The following TJP2 variants were observed in gnomAD, a reference collection of about 807,000 sequenced individuals.
The protein encoded by TJP2 is tight junction protein 2.
In TJP2, 91 loss-of-function variants were observed where a neutral mutation model predicts 133.1. That is an observed-to-expected ratio of 0.68 (90% CI 0.58 to 0.81). TJP2 has a LOEUF of 0.81. Ranked by LOEUF, TJP2 falls within the 40% of genes least tolerant of loss-of-function variation. The pLI is 0.00. For synonymous variants in TJP2, 592 were observed against 583.4 expected, an observed-to-expected ratio of 1.01 and a Z score of -0.21; for missense variants, 1,541 against 1,565.6, an observed-to-expected ratio of 0.98 and a Z score of 0.26.
intron 11 of TJP2, 37 bp from the exon 12 acceptor site, chr9:69,234,394 CTTTCTTTT>C (rs1453777241): frequency 3.1e-6 from 4 of 1,293,348 alleles, no homozygotes; most frequent in Non-Finnish European, 2.1e-6. Context: ...TTCTTTCTTT[CTTTCTTTT>C]TTTTTTTTTT....
rs547481329 is a variant in TJP2, at chr9:69,211,662, G to A, written c.61-886G>A. 2.2e-4 allele frequency among the ~76,000 whole-genome samples: 34 copies of A among 152,258 alleles called. No individual in the cohort carries two copies. The East Asian group carries it at 3.9e-3, about 17-fold the overall frequency. ...GTGTGGTCACGTCTGTAATATGAAC[G>A]CCCAAACCTGTGTGAATACAGGTCT... On this transcript the variant is annotated intron_variant, in intron 1 of 22. Transcript: ENST00000377245.
chr9:69,228,174 C>T (rs1554662983), intron 9 of TJP2, 60 bp downstream of exon 9: 1 of 1,553,344 alleles, frequency 6.4e-7, no homozygotes, highest in African/African-American at 1.4e-5. Context: ...GCTCACACAG[C>T]CATAACAAAG....
At chr9:69,145,694 G>A (rs1823183893) in intron 1 of TJP2, 1 of 1,226,780 alleles carries the variant, frequency 8.2e-7, no homozygotes, top group Non-Finnish European at 1.0e-6. Context: ...CTTGTACCGA[G>A]AGAGACAAGA....
chr9:69,132,694 A>C (rs1333831145), intron 1 of TJP2, among the ~76,000 whole-genome samples: 3 of 152,228 alleles, frequency 2.0e-5, no homozygotes, highest in African/African-American at 7.2e-5. Flanking sequence ...CACGGTGAGC[A>C]GGGTAAATTC....
chr9:69,173,920 C>T (rs916199647), upstream of TJP2: 1 of 982,508 alleles, frequency 1.0e-6, no homozygotes, highest in Middle Eastern at 5.2e-4. Context: ...CCTGCTTGCT[C>T]CAGTGCACGC....
At chr9:69,230,670 T>C (rs1457791942) in intron 11 of TJP2, among the ~76,000 whole-genome samples, 1 of 152,180 alleles carries the variant, frequency 6.6e-6, no homozygotes, top group Non-Finnish European at 1.5e-5. Context: ...CGTCCCAGCC[T>C]CTGATTAGTT....
intron 1 of TJP2, among the ~76,000 whole-genome samples, chr9:69,208,473 T>C (rs772869185): frequency 1.3e-4 from 20 of 152,294 alleles, no homozygotes; most frequent in Middle Eastern, 6.8e-3. Context: ...CACTTAAAGA[T>C]GGTAGCATCC....
At chr9:69,195,581 G>GC (rs1316582362) in intron 1 of TJP2, among the ~76,000 whole-genome samples, 9 of 151,940 alleles carry the variant, frequency 5.9e-5, no homozygotes, top group Non-Finnish European at 8.8e-5. Flanking sequence ...GTAGGGTTAG[G>GC]GTATAGGGTT....
intron 8 of TJP2, 30 bp downstream of exon 8, chr9:69,227,903 T>C (rs748558234): frequency 1.2e-5 from 19 of 1,612,758 alleles, no homozygotes; most frequent in Non-Finnish European, 1.5e-5. Context: ...CTCTTGTACA[T>C]GTCATTGTGA....
chr9:69,203,444 G>C (rs1476946231), intron 1 of TJP2, among the ~76,000 whole-genome samples: 1 of 151,798 alleles, frequency 6.6e-6, no homozygotes, highest in African/African-American at 2.4e-5. Flanking sequence ...TGGGGTTACA[G>C]GCACCCGCCA....
intron 2 of TJP2, among the ~76,000 whole-genome samples, chr9:69,159,925 CT>C (rs1346050396): frequency 1.4e-5 from 2 of 139,320 alleles, no homozygotes; most frequent in African/African-American, 5.3e-5. Context: ...GTGTGTGTTT[CT>C]TTTTTTTTCC....
intron 5 of TJP2, 128 bp from the exon 6 acceptor site, chr9:69,225,176 C>A: frequency 3.0e-6 from 2 of 665,640 alleles, no homozygotes; most frequent in Non-Finnish European, 5.3e-6. Flanking sequence ...TCAGGCCAGT[C>A]ATCTTACAGA....
At chr9:69,216,234 C>G (rs925226976) in intron 2 of TJP2, 105 bp from the exon 3 acceptor site, 2 of 1,366,000 alleles carry the variant, frequency 1.5e-6, no homozygotes, top group Non-Finnish European at 2.1e-6. Context: ...TGTTCCTGAA[C>G]AGTCTCTGGT....
chr9:69,215,690 G>GTT (rs11427491), intron 2 of TJP2, among the ~76,000 whole-genome samples: 1,564 of 147,568 alleles, frequency 0.011, 20 homozygotes, highest in Non-Finnish European at 0.011. Flanking sequence ...TAGGCAGAAG[G>GTT]TTTTTTTTTT....
intron 1 of TJP2, among the ~76,000 whole-genome samples, chr9:69,192,479 G>T (rs959974494): frequency 2.0e-5 from 3 of 152,074 alleles, no homozygotes; most frequent in Admixed American, 2.0e-4. Context: ...CTGTCTCTTG[G>T]TCTCCAGGCC....
chr9:69,208,499 G>A (rs1419399164), intron 1 of TJP2, among the ~76,000 whole-genome samples: 3 of 152,274 alleles, frequency 2.0e-5, no homozygotes, highest in Non-Finnish European at 2.9e-5. Context: ...TTGAAGGGCT[G>A]TGAATTTCAA....
rs12344372 is a variant in TJP2 at position 69,198,652 on chromosome 9, C to T, written c.61-13896C>T. On this transcript the variant is annotated intron_variant, in intron 1 of 22. Coordinates refer to ENST00000377245, the MANE Select transcript of TJP2 (RefSeq NM_004817.4). ...GCTGTTAAACTTGGTCATAAGCAAGCTGTGTCCATTGTGAAGTGTGTGCTG... is the reference window on the plus strand; with the variant it reads ...GCTGTTAAACTTGGTCATAAGCAAGTTGTGTCCATTGTGAAGTGTGTGCTG... Among the ~76,000 whole-genome samples, 1,441 of 152,316 alleles carry T rather than the reference C, an allele frequency of 9.5e-3. 30 individuals are homozygous for T. Among genetic ancestry groups the T allele is most frequent in the African/African-American group, 0.032 (1,329 of 41,574 alleles).
chr9:69,215,143 C>A (rs943450230), intron 2 of TJP2, among the ~76,000 whole-genome samples: 1 of 152,016 alleles, frequency 6.6e-6, no homozygotes, highest in South Asian at 2.1e-4. Context: ...AGGACAGGAA[C>A]AGTAAACACT....
At chr9:69,226,290 T>C in intron 7 of TJP2, 115 bp downstream of exon 7, 1 of 1,215,464 alleles carries the variant, frequency 8.2e-7, no homozygotes, top group Non-Finnish European at 1.2e-6. Flanking sequence ...GAAAGACCCC[T>C]TGAAACCTTA....
Sources: gnomAD v4.1 joint callset for allele counts (sites outside exome capture counted in the v4.1 genomes callset) on GRCh38, gnomAD v4.1.1 for gene constraint, MANE v1.5 for transcripts, NCBI Gene and HGNC (gene_info 2026-07-23, HGNC 2026-07-21) for gene names.